The following NALF1 variants were observed in gnomAD, a reference collection of about 807,000 sequenced individuals.
The protein encoded by NALF1 is NALCN channel auxiliary factor 1.
Under a neutral mutation model 48.4 loss-of-function variants are expected in NALF1, and 3 were observed. The observed-to-expected ratio is 0.06, with a 90% CI of 0.03 to 0.16. The LOEUF (loss-of-function observed/expected upper bound fraction) is 0.16. Among genes scored for constraint, NALF1 ranks in the 10% least tolerant of loss-of-function variants. The pLI is 1.00. For synonymous variants in NALF1, 262 were observed against 245.7 expected, an observed-to-expected ratio of 1.07 and a Z score of -0.62; for missense variants, 526 against 571.5, an observed-to-expected ratio of 0.92 and a Z score of 0.81.
chr13:107,218,629 C>T lies in NALF1; in HGVS notation c.916-7874G>A, dbSNP rs143601615. On this transcript the variant is annotated intron_variant, in intron 1 of 2. Transcript: ENST00000375915. ...CGAAAACAAAAACAAACAAAACAAA[C>T]AAACAAACAAAAACTAAAGAAATAA... is the stretch of plus-strand genomic sequence containing the variant. Among the ~76,000 whole-genome samples, 345 of 152,224 alleles carry T rather than the reference C, an allele frequency of 2.3e-3. 5 individuals carry two copies. Among genetic ancestry groups the T allele is most frequent in the African/African-American group, 8.1e-3 (338 of 41,546 alleles).
At chr13:107,343,565 A>C (rs527340439) in intron 1 of NALF1, among the ~76,000 whole-genome samples, 1 of 152,326 alleles carries the variant, frequency 6.6e-6, no homozygotes, top group South Asian at 2.1e-4. Flanking sequence ...AGGCTTTTCC[A>C]GCCAAGGGGA....
chr13:107,415,245 G>A (rs1266145346), intron 1 of NALF1, among the ~76,000 whole-genome samples: 4 of 151,956 alleles, frequency 2.6e-5, no homozygotes, highest in Non-Finnish European at 2.9e-5. Context: ...TTATTATGAC[G>A]CTGAGGAACT....
At chr13:107,453,583 G>GA (rs1293084636) in intron 1 of NALF1, among the ~76,000 whole-genome samples, 1 of 152,198 alleles carries the variant, frequency 6.6e-6, no homozygotes. Flanking sequence ...CCTGTGATGG[G>GA]ACAGGCTACC....
intron 1 of NALF1, among the ~76,000 whole-genome samples, chr13:107,417,787 G>A (rs1313950105): frequency 4.6e-5 from 7 of 152,286 alleles, no homozygotes; most frequent in African/African-American, 9.6e-5. Flanking sequence ...CTAGCTGGGC[G>A]CAGTTGCTTA....
At chr13:107,451,643 G>T (rs1258575539) in intron 1 of NALF1, among the ~76,000 whole-genome samples, 1 of 152,104 alleles carries the variant, frequency 6.6e-6, no homozygotes, top group Non-Finnish European at 1.5e-5. Context: ...CACTTGTGCT[G>T]TATACTCGAA....
chr13:107,865,656 A>T, intron 1 of NALF1, 26 bp downstream of exon 1: 1 of 1,602,070 alleles, frequency 6.2e-7, no homozygotes, highest in South Asian at 1.1e-5. Context: ...AGTGCAGGAA[A>T]GGGGGAAACC....
intron 1 of NALF1, among the ~76,000 whole-genome samples, chr13:107,315,271 T>C (rs1355236684): frequency 2.0e-5 from 3 of 152,068 alleles, no homozygotes; most frequent in East Asian, 1.9e-4. Flanking sequence ...TATAAAGATG[T>C]ACCCTGCTTC....
chr13:107,752,847 G>A (rs1876977177), intron 1 of NALF1, among the ~76,000 whole-genome samples: 1 of 152,138 alleles, frequency 6.6e-6, no homozygotes, highest in African/African-American at 2.4e-5. Flanking sequence ...ACCTGTTTGT[G>A]CTTTTCTAAT....
intron 1 of NALF1, among the ~76,000 whole-genome samples, chr13:107,389,658 A>T (rs773386576): frequency 6.6e-6 from 1 of 152,130 alleles, no homozygotes; most frequent in African/African-American, 2.4e-5. Flanking sequence ...TGATTACTTC[A>T]TGGTTTGCTG....
intron 1 of NALF1, among the ~76,000 whole-genome samples, chr13:107,570,443 T>C (rs1877951630): frequency 6.6e-6 from 1 of 151,920 alleles, no homozygotes. Context: ...TAAATTGATA[T>C]GATCCCATAA....
At chr13:107,681,417 C>T (rs1238335344) in intron 1 of NALF1, among the ~76,000 whole-genome samples, 10 of 152,076 alleles carry the variant, frequency 6.6e-5, no homozygotes, top group Non-Finnish European at 8.8e-5. Flanking sequence ...CTGCCTGATT[C>T]ACCCCCTGTC....
intron 1 of NALF1, among the ~76,000 whole-genome samples, chr13:107,402,223 G>A (rs375090975): frequency 2.0e-5 from 3 of 150,918 alleles, no homozygotes; most frequent in African/African-American, 5.0e-5. Context: ...TCAGCCATGC[G>A]GAAGAGGTCC....
At chr13:107,724,067 C>T (rs551366998) in intron 1 of NALF1, among the ~76,000 whole-genome samples, 16 of 152,014 alleles carry the variant, frequency 1.1e-4, no homozygotes, top group African/African-American at 2.9e-4. Context: ...TTTGCAAAGA[C>T]GTAATACTGC....
chr13:107,265,913 A>G (rs1174945842), intron 1 of NALF1, among the ~76,000 whole-genome samples: 8 of 152,184 alleles, frequency 5.3e-5, no homozygotes, highest in Non-Finnish European at 1.2e-4. Context: ...GGCAAAGTCT[A>G]AAACTATAGA....
At position 107,358,168 on chromosome 13, in the gene NALF1, A is replaced by ATGTGTG. The variant is rs59782928; in HGVS notation, c.916-147419_916-147414dup. ...TATACCTATTTTATATACGTAACAT[A>ATGTGTG]TGTGTGTGTGTGTGTGTGTGTGTGT... On this transcript the variant is annotated intron_variant, in intron 1 of 2. Coordinates refer to ENST00000375915, the MANE Select transcript of NALF1 (RefSeq NM_001080396.3). Among the ~76,000 whole-genome samples the ATGTGTG allele has an allele frequency of 1.2e-4, 18 of 144,010 alleles. No homozygotes were observed. The East Asian group carries it at 3.7e-3, about 30-fold the overall frequency. 94.5% of individuals were successfully genotyped at this position (144,010 alleles called of 152,430 possible). A position where few individuals can be genotyped will look rare whatever the true frequency, so the allele number is the denominator to read the frequency against.
At chr13:107,588,092 G>A (rs532411716) in intron 1 of NALF1, among the ~76,000 whole-genome samples, 14 of 152,142 alleles carry the variant, frequency 9.2e-5, no homozygotes, top group South Asian at 2.1e-4. Context: ...CACAATTCTC[G>A]CATCAAGTGG....
intron 1 of NALF1, among the ~76,000 whole-genome samples, chr13:107,648,970 T>C (rs1350291315): frequency 6.6e-6 from 1 of 152,316 alleles, no homozygotes; most frequent in South Asian, 2.1e-4. Context: ...ATTTGTCATC[T>C]TAATATTTTC....
chr13:107,251,069 G>C (rs1880690569), intron 1 of NALF1, among the ~76,000 whole-genome samples: 1 of 152,116 alleles, frequency 6.6e-6, no homozygotes, highest in South Asian at 2.1e-4. Context: ...AGCAGTGTGA[G>C]AACAGACTAA....
At chr13:107,514,091 C>A (rs992409990) in intron 1 of NALF1, among the ~76,000 whole-genome samples, 9 of 152,162 alleles carry the variant, frequency 5.9e-5, no homozygotes, top group Non-Finnish European at 1.3e-4. Flanking sequence ...CTTATCATTG[C>A]CATAAAAATT....
Sources: allele counts gnomAD v4.1 joint callset (sites outside exome capture counted in the v4.1 genomes callset), GRCh38; gene constraint gnomAD v4.1.1; transcripts MANE v1.5; gene names NCBI Gene and HGNC (gene_info 2026-07-23, HGNC 2026-07-21).